Variants in PPM1E observed in about 807,000 individuals in gnomAD.
The protein encoded by PPM1E is protein phosphatase, Mg2+/Mn2+ dependent 1E.
Under a neutral mutation model 65.9 loss-of-function variants are expected in PPM1E, and 20 were observed. The observed-to-expected ratio is 0.30, with a 90% CI of 0.21 to 0.44. The LOEUF is 0.44. PPM1E is among the 20% of genes least tolerant of loss of function. The pLI, the probability that PPM1E is intolerant of heterozygous loss-of-function variation, is 1.00. For synonymous variants in PPM1E, 352 were observed against 374.9 expected, an observed-to-expected ratio of 0.94 and a Z score of 0.70; for missense variants, 713 against 953.1, an observed-to-expected ratio of 0.75 and a Z score of 3.32.
chr17:58,827,554 A>C (rs2083780152), intron 1 of PPM1E, among the ~76,000 whole-genome samples: 1 of 152,094 alleles, frequency 6.6e-6, no homozygotes. Flanking sequence ...ATTTATTCAG[A>C]TATTCTGTTA....
chr17:58,809,849 T>G (rs1417087556), intron 1 of PPM1E, among the ~76,000 whole-genome samples: 1 of 152,278 alleles, frequency 6.6e-6, no homozygotes, highest in Non-Finnish European at 1.5e-5. Context: ...CAGCACATGC[T>G]GTGCCCTTAG....
At chr17:58,789,781 A>G (rs1214064144) in intron 1 of PPM1E, among the ~76,000 whole-genome samples, 1 of 151,256 alleles carries the variant, frequency 6.6e-6, no homozygotes, top group African/African-American at 2.4e-5. Context: ...ATACCTGCCT[A>G]TTATTACCTT....
intron 1 of PPM1E, among the ~76,000 whole-genome samples, chr17:58,861,718 G>T (rs1350523445): frequency 6.6e-6 from 1 of 152,104 alleles, no homozygotes; most frequent in East Asian, 1.9e-4. Flanking sequence ...TTAAGCCCAG[G>T]AGTTTGAGAC....
Position 58,980,355 on chromosome 17 carries a change from A to C in PPM1E, c.1592A>C (p.Gln531Pro), listed in dbSNP as rs937435070. 1.2e-6 allele frequency: 2 copies of C among 1,614,180 alleles called. No homozygotes were observed. Among genetic ancestry groups the C allele is most frequent in the Non-Finnish European group, 1.7e-6 (2 of 1,180,016 alleles). ...NHGECKRPWP[Q>P]HQCSAPADLG... is the part of the protein sequence containing the mutation. ...GGAGAGTGCAAACGCCCTTGGCCTCAGCACCAGTGCTCAGCACCAGCCGAC... is the reference window on the plus strand; with the variant it reads ...GGAGAGTGCAAACGCCCTTGGCCTCCGCACCAGTGCTCAGCACCAGCCGAC... The change falls in exon 7 of 7, where the codon CAG becomes CCG. Residue 531 changes from glutamine (Q) to proline (P), a missense_variant. Physicochemically the swap from Gln to Pro is moderately conservative, Grantham distance 76. Coordinates refer to ENST00000308249, the MANE Select transcript of PPM1E (RefSeq NM_014906.5). The surrounding 1 kb of genome is among the most constrained non-coding windows in gnomAD (Gnocchi z 4.7).
chr17:58,933,750 CG>C (rs1394267090), intron 1 of PPM1E, among the ~76,000 whole-genome samples: 2 of 149,412 alleles, frequency 1.3e-5, no homozygotes, highest in African/African-American at 4.9e-5. Flanking sequence ...GAGCCGAGAT[CG>C]CACCATTGCA....
At chr17:58,917,703 C>A (rs541228274) in intron 1 of PPM1E, among the ~76,000 whole-genome samples, 1 of 152,314 alleles carries the variant, frequency 6.6e-6, no homozygotes, top group Non-Finnish European at 1.5e-5. Flanking sequence ...CCAACTATTT[C>A]TTCTCCTCAT....
chr17:58,930,713 C>T (rs900496946), intron 1 of PPM1E, among the ~76,000 whole-genome samples: 78 of 151,976 alleles, frequency 5.1e-4, no homozygotes, highest in Non-Finnish European at 1.0e-3. Context: ...AAGGAGAATA[C>T]ACACTTCTGG....
chr17:58,785,458 T>TTTTA (rs1428055897), intron 1 of PPM1E: 1 of 88,990 alleles, frequency 1.1e-5, no homozygotes, highest in Non-Finnish European at 2.0e-5. Context: ...CCTGGCTAAT[T>TTTTA]TATATATATA....
chr17:58,973,275 G>A (rs764931040), intron 6 of PPM1E, among the ~76,000 whole-genome samples: 4 of 151,888 alleles, frequency 2.6e-5, no homozygotes, highest in Non-Finnish European at 5.9e-5. Flanking sequence ...AAATTAGCCA[G>A]GCGTGGTGGC....
At chr17:58,832,915 C>T (rs762348103) in intron 1 of PPM1E, among the ~76,000 whole-genome samples, 16 of 152,128 alleles carry the variant, frequency 1.1e-4, no homozygotes, top group Admixed American at 2.0e-4. Flanking sequence ...TGGGAACAAG[C>T]GATTCTCCTT....
At chr17:58,759,472 T>C (rs2144131372) in intron 1 of PPM1E, among the ~76,000 whole-genome samples, 1 of 152,374 alleles carries the variant, frequency 6.6e-6, no homozygotes, top group South Asian at 2.1e-4. Context: ...GTGTAGTTTA[T>C]ATGGGTCAAT....
At chr17:58,868,198 T>C (rs1014041806) in intron 1 of PPM1E, among the ~76,000 whole-genome samples, 6 of 151,992 alleles carry the variant, frequency 3.9e-5, no homozygotes, top group African/African-American at 1.5e-4. Flanking sequence ...GCCATGGTGG[T>C]GCACACCTGC....
intron 1 of PPM1E, among the ~76,000 whole-genome samples, chr17:58,762,035 G>C (rs1430171767): frequency 6.6e-6 from 1 of 152,182 alleles, no homozygotes; most frequent in African/African-American, 2.4e-5. Context: ...TATTCTGAGG[G>C]AGTGCAAATT....
At chr17:58,861,919 A>T (rs1323342748) in intron 1 of PPM1E, among the ~76,000 whole-genome samples, 2 of 89,052 alleles carry the variant, frequency 2.2e-5, no homozygotes, top group East Asian at 2.6e-4. Flanking sequence ...ACAAAGTGAG[A>T]TACTTTAAAA....
Position 58,756,394 on chromosome 17 carries a change from G to T in PPM1E, c.397G>T (p.Glu133Ter). The change falls in exon 1 of 7, where the codon GAG becomes TAG. Residue 133 changes from glutamate to a stop codon, truncating the protein, a stop_gained. Transcript: ENST00000308249. LOFTEE classifies it high-confidence loss of function. ...PLPPLPRPLS[E>*]RITREEVEGE... is the part of the protein sequence containing the mutation. The stretch of plus-strand genomic sequence containing the variant: ...GCCCCCGCTCCCGCGACCGCTGTCA[G>T]AGCGCATCACCCGCGAGGAGGTGGA... 1 of 1,366,140 alleles carries T rather than the reference G, an allele frequency of 7.3e-7. No individual in the cohort carries two copies. The allele number at this position is 1,366,140 out of a possible 1,614,324, so 84.6% of individuals were successfully genotyped here.
At chr17:58,877,942 T>A (rs1210273477) in intron 1 of PPM1E, among the ~76,000 whole-genome samples, 2 of 151,782 alleles carry the variant, frequency 1.3e-5, no homozygotes, top group Admixed American at 6.6e-5. Flanking sequence ...AAATTTGATA[T>A]GTGATTTATA....
intron 1 of PPM1E, among the ~76,000 whole-genome samples, chr17:58,853,245 T>C (rs555208065): frequency 1.3e-5 from 2 of 152,314 alleles, no homozygotes; most frequent in East Asian, 3.9e-4. Context: ...TATTAGGTCT[T>C]ATATTTAGGT....
intron 1 of PPM1E, among the ~76,000 whole-genome samples, chr17:58,900,436 T>C (rs910837086): frequency 2.6e-5 from 4 of 152,200 alleles, no homozygotes; most frequent in African/African-American, 9.6e-5. Flanking sequence ...CTTATCACGC[T>C]CTGAAGGCTC....
At chr17:58,847,970 T>C (rs1045249259) in intron 1 of PPM1E, among the ~76,000 whole-genome samples, 1 of 152,244 alleles carries the variant, frequency 6.6e-6, no homozygotes, top group African/African-American at 2.4e-5. Flanking sequence ...GTAGTTCTCC[T>C]TGAAGAGGTC....
Sources: allele counts gnomAD v4.1 joint callset (sites outside exome capture counted in the v4.1 genomes callset), GRCh38; gene constraint gnomAD v4.1.1; non-coding constraint Gnocchi (gnomAD v3.1); transcripts MANE v1.5; gene names NCBI Gene and HGNC (gene_info 2026-07-23, HGNC 2026-07-21).